The following CELF4 variants were observed in gnomAD, a reference collection of about 807,000 sequenced individuals.
The protein encoded by CELF4 is CUG-BP- and ETR-3-like factor 4.
CELF4 carries 18 observed loss-of-function variants against 59.9 expected under a neutral mutation model. The observed-to-expected ratio is 0.30, with a 90% CI of 0.21 to 0.45. CELF4 has a LOEUF of 0.45. Ranked by LOEUF, CELF4 falls within the 20% of genes least tolerant of loss-of-function variation. The probability of loss-of-function intolerance (pLI) is 1.00; values close to 1 mark genes in which losing one functional copy is unlikely to be tolerated. For missense variants in CELF4, 456 were observed against 689.0 expected (o/e 0.66, Z 3.79); for synonymous variants, 261 against 267.1 (o/e 0.98, Z 0.22).
rs542434312 is a variant in CELF4, at chr18:37,354,230, G to A, written c.370-32349C>T. ...CCCAACAGCTGCATGAGGAAGCACC[G>A]TTATCCCCATTTTACAGATGGCCAA... is the stretch of plus-strand genomic sequence containing the variant. On this transcript the variant is annotated intron_variant, in intron 2 of 12. Transcript: ENST00000420428. Among the ~76,000 whole-genome samples the A allele has an allele frequency of 3.9e-5, 6 of 152,236 alleles. No individual in the cohort carries two copies. In the East Asian group the frequency reaches 5.8e-4, roughly 15 times the overall value.
At chr18:37,559,249 G>A (rs1015901176) in intron 1 of CELF4, among the ~76,000 whole-genome samples, 7 of 151,938 alleles carry the variant, frequency 4.6e-5, no homozygotes, top group African/African-American at 1.7e-4. Context: ...AGATTAAACT[G>A]TCCCTAACAT....
chr18:37,303,915 T>C (rs1413412153), intron 3 of CELF4, among the ~76,000 whole-genome samples: 1 of 152,190 alleles, frequency 6.6e-6, no homozygotes, highest in Non-Finnish European at 1.5e-5. Flanking sequence ...TGGAGACAAG[T>C]CCCTGGGGGT....
rs560400201 is a variant in CELF4, at chr18:37,552,611, G to A, written c.286+12745C>T. Among the ~76,000 whole-genome samples, 5 of 152,354 alleles carry A rather than the reference G, an allele frequency of 3.3e-5. No homozygotes were observed. In the South Asian group the frequency reaches 6.2e-4, roughly 19 times the overall value. On this transcript the variant is annotated intron_variant, in intron 1 of 12. Coordinates refer to ENST00000420428, the MANE Select transcript of CELF4 (RefSeq NM_020180.4). ...TAATCACTGGCTCAGCCAAGACAAG[G>A]TCAGAACATTCCAAGTTAATGTTTT...
chr18:37,538,706 G>A (rs2099975534), intron 1 of CELF4, among the ~76,000 whole-genome samples: 1 of 152,194 alleles, frequency 6.6e-6, no homozygotes, highest in South Asian at 2.1e-4. Context: ...ATCCTAGAGG[G>A]CAGTGTGAGG....
intron 1 of CELF4, among the ~76,000 whole-genome samples, chr18:37,521,848 A>G (rs1470758556): frequency 6.6e-6 from 1 of 152,214 alleles, no homozygotes; most frequent in Non-Finnish European, 1.5e-5. Flanking sequence ...CACAGAGAGC[A>G]GGGGACACCA....
At chr18:37,368,208 C>T (rs2098812419) in intron 2 of CELF4, among the ~76,000 whole-genome samples, 1 of 152,094 alleles carries the variant, frequency 6.6e-6, no homozygotes, top group East Asian at 1.9e-4. Context: ...CCTTCCCCTG[C>T]CCCCCAGCCC....
At chr18:37,402,432 AC>A (rs1043919387) in intron 2 of CELF4, among the ~76,000 whole-genome samples, 1 of 151,634 alleles carries the variant, frequency 6.6e-6, no homozygotes, top group African/African-American at 2.4e-5. Context: ...GGTCAGGGGG[AC>A]CCCAGGGAGC....
chr18:37,493,042 C>A lies in CELF4; in HGVS notation c.287-7435G>T, dbSNP rs144476416. Among the ~76,000 whole-genome samples, 12 of 152,292 alleles carry A rather than the reference C, an allele frequency of 7.9e-5. No individual in the cohort carries two copies. The East Asian group carries it at 2.3e-3, about 29-fold the overall frequency. ...CCTGGATCTTCTTCCCTCTCTCTTC[C>A]CACTCCTCCAAGTACTCCCTGCTGG... On this transcript the variant is annotated intron_variant, in intron 1 of 12. Coordinates refer to ENST00000420428, the MANE Select transcript of CELF4 (RefSeq NM_020180.4).
intron 1 of CELF4, among the ~76,000 whole-genome samples, chr18:37,559,142 G>A (rs554488969): frequency 2.6e-5 from 4 of 152,098 alleles, no homozygotes; most frequent in Admixed American, 1.3e-4. Context: ...GAGTTCTGAG[G>A]TGGATCATGT....
intron 2 of CELF4, among the ~76,000 whole-genome samples, chr18:37,482,709 T>C (rs2099871454): frequency 6.6e-6 from 1 of 152,176 alleles, no homozygotes; most frequent in African/African-American, 2.4e-5. Flanking sequence ...TCTGTCTCTG[T>C]CATTTTGTTA....
intron 2 of CELF4, among the ~76,000 whole-genome samples, chr18:37,427,832 A>C (rs1157793896): frequency 6.6e-6 from 1 of 152,190 alleles, no homozygotes; most frequent in African/African-American, 2.4e-5. Flanking sequence ...TGGTTGATAG[A>C]TAGACAGGGG....
chr18:37,367,700 T>C (rs956264615), intron 2 of CELF4, among the ~76,000 whole-genome samples: 2 of 151,666 alleles, frequency 1.3e-5, no homozygotes, highest in African/African-American at 4.8e-5. Context: ...TCTTTCTTTT[T>C]TTTTTTTCTT....
intron 2 of CELF4, among the ~76,000 whole-genome samples, chr18:37,441,067 C>T (rs773827049): frequency 2.6e-5 from 4 of 152,186 alleles, no homozygotes; most frequent in Non-Finnish European, 5.9e-5. Flanking sequence ...ACCGTTCTTG[C>T]CTTGAGATCA....
At position 37,264,717 on chromosome 18, in the gene CELF4, G is replaced by C; in HGVS notation, c.1206C>G (p.Ala402=). 2 of 1,581,996 alleles carry C rather than the reference G, an allele frequency of 1.3e-6. No individual in the cohort carries two copies. The highest frequency in any genetic ancestry group is 2.3e-5 in the South Asian group (2 of 86,326). Residue 402 remains alanine (A), a synonymous_variant, in exon 10 of 13, where the codon GCC becomes GCG. Coordinates refer to ENST00000420428, the MANE Select transcript of CELF4 (RefSeq NM_020180.4). The part of the protein sequence containing the change: ...YPAAYGQISQ[A]FPQPPPMIPQ... ...GGATCATTGGAGGCGGCTGAGGAAA[G>C]GCCTGGCTTATCTGACCATAGGCAG...
At chr18:37,317,869 C>G (rs373010822) in intron 3 of CELF4, among the ~76,000 whole-genome samples, 49 of 152,294 alleles carry the variant, frequency 3.2e-4, no homozygotes, top group African/African-American at 8.7e-4. Context: ...ACCCCCACAC[C>G]TCATGTGTGT....
chr18:37,441,582 C>T (rs756190333), intron 2 of CELF4, among the ~76,000 whole-genome samples: 7 of 152,102 alleles, frequency 4.6e-5, no homozygotes, highest in African/African-American at 1.7e-4. Context: ...CCTAGTCCAG[C>T]CCCCATGGGG....
intron 1 of CELF4, among the ~76,000 whole-genome samples, chr18:37,552,572 C>T (rs957458754): frequency 6.6e-6 from 1 of 152,286 alleles, no homozygotes; most frequent in Non-Finnish European, 1.5e-5. Context: ...GCCTCTGCTG[C>T]AGACTAGCCC....
At chr18:37,500,747 G>T (rs976328406) in intron 1 of CELF4, among the ~76,000 whole-genome samples, 2 of 151,996 alleles carry the variant, frequency 1.3e-5, no homozygotes, top group African/African-American at 4.8e-5. Flanking sequence ...TGTTAGCCAG[G>T]ATGGTCTTGA....
chr18:37,545,337 T>C (rs1166826145), intron 1 of CELF4, among the ~76,000 whole-genome samples: 1 of 152,134 alleles, frequency 6.6e-6, no homozygotes, highest in Non-Finnish European at 1.5e-5. Flanking sequence ...TGCTGCCTAG[T>C]AGCAAAATGA....
Sources: gnomAD v4.1 joint callset for allele counts (sites outside exome capture counted in the v4.1 genomes callset) on GRCh38, gnomAD v4.1.1 for gene constraint, MANE v1.5 for transcripts, NCBI Gene and HGNC (gene_info 2026-07-23, HGNC 2026-07-21) for gene names.